The following SCAF4 variants were observed in gnomAD, a reference collection of about 807,000 sequenced individuals.
SCAF4 encodes the protein SR-related and CTD-associated factor 4.
Under a neutral mutation model 129.8 loss-of-function variants are expected in SCAF4, and 25 were observed. That is an observed-to-expected ratio of 0.19 (90% confidence interval 0.14 to 0.27). The LOEUF is 0.27. SCAF4 is among the 10% of genes least tolerant of loss of function. The probability of loss-of-function intolerance (pLI) is 1.00; values close to 1 mark genes in which losing one functional copy is unlikely to be tolerated. For synonymous variants in SCAF4, 551 were observed against 497.7 expected, an observed-to-expected ratio of 1.11 and a Z score of -1.43; for missense variants, 1,246 against 1,457.1, an observed-to-expected ratio of 0.86 and a Z score of 2.36.
chr21:31,683,768 G>A (rs2050050807), intron 19 of SCAF4, among the ~76,000 whole-genome samples: 1 of 151,510 alleles, frequency 6.6e-6, no homozygotes. Context: ...CTAGTCCAAT[G>A]TTCCTTCTAT....
intron 18 of SCAF4, 26 bp from the exon 19 acceptor site, chr21:31,685,266 G>A (rs1484752516): frequency 3.9e-6 from 6 of 1,534,232 alleles, no homozygotes; most frequent in East Asian, 4.5e-5. Flanking sequence ...ATATCAACAT[G>A]TGAAGCTGAA....
Position 31,701,906 on chromosome 21 carries a change from G to C in SCAF4, c.470C>G (p.Pro157Arg). 6.2e-7 allele frequency: 1 copy of C among 1,613,694 alleles called. No individual in the cohort carries two copies. Residue 157 changes from proline (P) to arginine (R), a missense_variant, in exon 6 of 20, where the codon CCT becomes CGT. Pro to Arg is a moderately radical substitution (Grantham distance 103). Transcript: ENST00000286835. ...AGGTTCAGAAGAAACTTTTACTGGA[G>C]GTGGAGGTGAGCCTAAAAAAGAAAA... ...NVTNNEGSPP[P>R]PVKVSSEPPT...
At chr21:31,690,712 T>C (rs758531631) in intron 15 of SCAF4, 85 bp downstream of exon 15, 48 of 1,256,904 alleles carry the variant, frequency 3.8e-5, no homozygotes, top group Non-Finnish European at 4.9e-5. Context: ...AATCACGTCC[T>C]AATGCAAGGA....
At chr21:31,677,198 C>T (rs1357145946) in intron 19 of SCAF4, among the ~76,000 whole-genome samples, 1 of 152,164 alleles carries the variant, frequency 6.6e-6, no homozygotes, top group African/African-American at 2.4e-5. Context: ...CTGTCTGTGA[C>T]TGTCCGTGCT....
chr21:31,672,012 G>T lies in SCAF4; in HGVS notation c.2831C>A (p.Pro944Gln), dbSNP rs377558052. ...CTGTGGCTGCTGCTGTGGCTGCTGC[G>T]GCGGCTGTTGCCTTCCGTCTCTGTC... ...PEDRDGRQQP[P>Q]QQPQQQPQPQ... is the part of the protein sequence containing the mutation. The change falls in exon 20 of 20, where the codon CCG (proline) becomes CAG (glutamine). Residue 944 changes from proline (P) to glutamine (Q), a missense_variant. By Grantham distance (76) the Pro-to-Gln change is moderately conservative (BLOSUM62 -1). This residue lies in a region of SCAF4 where 339 missense variants were observed against 325.0 expected (regional missense o/e 1.04). Coordinates refer to ENST00000286835, the MANE Select transcript of SCAF4 (RefSeq NM_020706.2). 492 of 1,612,912 alleles carry T rather than the reference G, an allele frequency of 3.1e-4. 6 individuals are homozygous for T. In the South Asian group the frequency reaches 5.1e-3, roughly 17 times the overall value.
At chr21:31,696,030 G>A (rs1456846256) in intron 9 of SCAF4, 83 bp downstream of exon 9, 3 of 850,270 alleles carry the variant, frequency 3.5e-6, no homozygotes, top group Middle Eastern at 2.3e-4. Context: ...CAATTACATA[G>A]CTGCAGAGTG....
At chr21:31,677,181 A>C (rs2049878939) in intron 19 of SCAF4, among the ~76,000 whole-genome samples, 2 of 151,648 alleles carry the variant, frequency 1.3e-5, no homozygotes, top group Admixed American at 6.6e-5. Flanking sequence ...AATCCACATT[A>C]CTCCTACTGT....
At chr21:31,717,866 CACACAT>C (rs2050962424) in intron 1 of SCAF4, among the ~76,000 whole-genome samples, 1 of 109,320 alleles carries the variant, frequency 9.1e-6, no homozygotes, top group African/African-American at 4.7e-5. Flanking sequence ...CACACACACA[CACACAT>C]ATACACATAT....
At chr21:31,729,763 T>C (rs1428562642) in intron 1 of SCAF4, among the ~76,000 whole-genome samples, 2 of 152,308 alleles carry the variant, frequency 1.3e-5, no homozygotes, top group East Asian at 1.9e-4. Context: ...AAATGAACAA[T>C]GATAAGAAAA....
chr21:31,706,805 G>C (rs928231700), intron 1 of SCAF4: 1 of 228,568 alleles, frequency 4.4e-6, no homozygotes, highest in African/African-American at 2.4e-5. Context: ...GCAGAAAACG[G>C]AGAAACTAAA....
intron 19 of SCAF4, among the ~76,000 whole-genome samples, chr21:31,674,965 G>A (rs2049813790): frequency 6.6e-6 from 1 of 152,184 alleles, no homozygotes; most frequent in Admixed American, 6.5e-5. Context: ...CATAAAGCTG[G>A]TGTGTGAATC....
At position 31,690,781 on chromosome 21, in the gene SCAF4, T is replaced by C. The variant is rs770581904; in HGVS notation, c.1885+16A>G. 79 of 1,605,450 alleles carry C rather than the reference T, an allele frequency of 4.9e-5. No individual in the cohort carries two copies. Among genetic ancestry groups the C allele is most frequent in the Non-Finnish European group, 6.1e-5 (72 of 1,175,906 alleles). The stretch of plus-strand genomic sequence containing the variant: ...GCAAATAAGTGAACTGTAAGAGAAA[T>C]TAAATACTGCTTTACCTGGGTTAAG... On this transcript the variant is annotated intron_variant, in intron 15 of 19. Transcript: ENST00000286835.
At position 31,731,821 on chromosome 21, in the gene SCAF4, C is replaced by G. The variant is rs1387898424; in HGVS notation, c.-129G>C. Reference sequence around the variant, plus strand: ...GGCGACGAGCGGCGGAGTCCGAGGCCCGGGCAGGAAGAGGCTGCGCCCGAA... The same window carrying G: ...GGCGACGAGCGGCGGAGTCCGAGGCGCGGGCAGGAAGAGGCTGCGCCCGAA... On this transcript the variant is annotated 5_prime_UTR_variant, in exon 1 of 20. Coordinates refer to ENST00000286835, the MANE Select transcript of SCAF4 (RefSeq NM_020706.2). 8.9e-7 allele frequency: 1 copy of G among 1,126,236 alleles called. No homozygotes were observed. The highest frequency in any genetic ancestry group is 1.2e-6 in the Non-Finnish European group (1 of 844,380). The allele number at this position is 1,126,236 out of a possible 1,614,324, so 69.8% of individuals were successfully genotyped here. A position where few individuals can be genotyped will look rare whatever the true frequency, so the allele number is the denominator to read the frequency against.
At chr21:31,675,282 A>T (rs1256982908) in intron 19 of SCAF4, among the ~76,000 whole-genome samples, 1 of 152,196 alleles carries the variant, frequency 6.6e-6, no homozygotes, top group Non-Finnish European at 1.5e-5. Flanking sequence ...AAAACCAAGT[A>T]ATTTTTAGCA....
chr21:31,699,715 CA>C (rs556715825), intron 7 of SCAF4, among the ~76,000 whole-genome samples: 85 of 152,138 alleles, frequency 5.6e-4, no homozygotes, highest in African/African-American at 2.0e-3. Context: ...ATGATGAAAC[CA>C]AAGGCATCAG....
chr21:31,731,943 G>C lies in SCAF4; in HGVS notation c.-251C>G, dbSNP rs1389478355. 2.0e-6 allele frequency: 1 copy of C among 488,184 alleles called. No individual in the cohort carries two copies. The highest frequency in any genetic ancestry group is 4.3e-5 in the Admixed American group (1 of 23,004). 30.2% of individuals were successfully genotyped at this position (488,184 alleles called of 1,614,324 possible). A position where few individuals can be genotyped will look rare whatever the true frequency, so the allele number is the denominator to read the frequency against. On this transcript the variant is annotated 5_prime_UTR_variant, in exon 1 of 20. Coordinates refer to ENST00000286835, the MANE Select transcript of SCAF4 (RefSeq NM_020706.2). ...GGAAAAGGAGGCGGCGGCAGCGCTG[G>C]TCTTCAACATGTCCGTTTGGTGGTG...
intron 19 of SCAF4, among the ~76,000 whole-genome samples, chr21:31,679,176 T>G (rs1216687373): frequency 1.3e-5 from 2 of 152,202 alleles, no homozygotes; most frequent in African/African-American, 4.8e-5. Flanking sequence ...CCTTTTCTGT[T>G]CTTTGTTGCA....
chr21:31,726,877 G>C (rs1011412956), intron 1 of SCAF4, among the ~76,000 whole-genome samples: 6 of 152,058 alleles, frequency 3.9e-5, no homozygotes, highest in African/African-American at 1.4e-4. Flanking sequence ...CTACACTCCA[G>C]TATCAGAGAA....
chr21:31,721,722 A>ATTTT (rs1310255256), intron 1 of SCAF4, among the ~76,000 whole-genome samples: 1 of 141,972 alleles, frequency 7.0e-6, no homozygotes, highest in Non-Finnish European at 1.5e-5. Context: ...AGCAAGAGCA[A>ATTTT]TTCTTTTTTT....
Sources: gnomAD v4.1 joint callset for allele counts (sites outside exome capture counted in the v4.1 genomes callset) on GRCh38, gnomAD v4.1.1 for gene constraint, gnomAD v4.1.1 regional missense constraint, MANE v1.5 for transcripts, NCBI Gene and HGNC (gene_info 2026-07-23, HGNC 2026-07-21) for gene names.